The following DOCK3 variants were observed in gnomAD, a reference collection of about 807,000 sequenced individuals.
The protein encoded by DOCK3 is dedicator of cytokinesis 3.
A neutral mutation model predicts 265.6 loss-of-function variants in DOCK3; 60 were observed. The observed-to-expected ratio is 0.23, with a 90% CI of 0.18 to 0.28. DOCK3 has a LOEUF of 0.28. DOCK3 is among the 10% of genes least tolerant of loss of function. The pLI is 1.00. For missense variants in DOCK3, 1,981 were observed against 2,594.3 expected, an observed-to-expected ratio of 0.76 and a Z score of 5.14; for synonymous variants, 881 against 938.0, an observed-to-expected ratio of 0.94 and a Z score of 1.11.
At chr3:51,225,866 A>C (rs1185335957) in intron 15 of DOCK3, 93 bp downstream of exon 15, 1 of 1,444,114 alleles carries the variant, frequency 6.9e-7, no homozygotes, top group Non-Finnish European at 9.2e-7. Context: ...TTCAAGCAGG[A>C]TTAAAATCAC....
intron 5 of DOCK3, among the ~76,000 whole-genome samples, chr3:51,014,609 T>G (rs958998527): frequency 1.3e-5 from 2 of 152,150 alleles, no homozygotes; most frequent in Non-Finnish European, 2.9e-5. Flanking sequence ...TGTTCTTTTT[T>G]GCTCAGAATG....
chr3:50,771,511 G>T (rs1156371857), intron 1 of DOCK3, among the ~76,000 whole-genome samples: 4 of 152,184 alleles, frequency 2.6e-5, no homozygotes, highest in African/African-American at 9.7e-5. Context: ...ATGTCAATTA[G>T]TACAACCACT....
At chr3:51,237,673 T>C in intron 21 of DOCK3, 83 bp downstream of exon 21, 1 of 1,237,612 alleles carries the variant, frequency 8.1e-7, no homozygotes, top group Non-Finnish European at 1.1e-6. Flanking sequence ...CAACCAGCAT[T>C]TAAAAAGTTC....
intron 1 of DOCK3, among the ~76,000 whole-genome samples, chr3:50,749,480 ATTTG>A (rs2039652610): frequency 6.6e-6 from 1 of 152,186 alleles, no homozygotes; most frequent in African/African-American, 2.4e-5. Context: ...TAATGAGCTT[ATTTG>A]TTTGGTTTAA....
chr3:50,706,637 C>T (rs892692464), intron 1 of DOCK3, among the ~76,000 whole-genome samples: 3 of 152,084 alleles, frequency 2.0e-5, no homozygotes, highest in Admixed American at 6.6e-5. Context: ...GTTTGTCTTT[C>T]GCAAGACTTG....
intron 19 of DOCK3, among the ~76,000 whole-genome samples, chr3:51,230,097 A>ATGCCATG (rs1205627033): frequency 6.6e-6 from 1 of 152,154 alleles, no homozygotes; most frequent in African/African-American, 2.4e-5. Context: ...TTGTGTTTAT[A>ATGCCATG]TGCCATGTTT....
At chr3:50,887,156 C>T (rs200880561) in intron 3 of DOCK3, among the ~76,000 whole-genome samples, 17 of 151,822 alleles carry the variant, frequency 1.1e-4, no homozygotes, top group African/African-American at 1.4e-4. Context: ...ATCAAATAGA[C>T]GCAATAAAAA....
chr3:50,795,528 C>G (rs1045623703), intron 2 of DOCK3, among the ~76,000 whole-genome samples: 1 of 152,020 alleles, frequency 6.6e-6, no homozygotes, highest in Non-Finnish European at 1.5e-5. Context: ...ACTACAGGTG[C>G]GTGCCACCAC....
chr3:51,339,480 C>A (rs1018090378), intron 37 of DOCK3, among the ~76,000 whole-genome samples: 1 of 152,344 alleles, frequency 6.6e-6, no homozygotes, highest in Non-Finnish European at 1.5e-5. Context: ...TCCTTGCAGG[C>A]TAGGCTCTTC....
intron 7 of DOCK3, among the ~76,000 whole-genome samples, chr3:51,088,887 G>C (rs547412024): frequency 1.9e-4 from 29 of 152,304 alleles, no homozygotes; most frequent in African/African-American, 6.0e-4. Flanking sequence ...AAAGTCTGAA[G>C]AAGCTGGATC....
intron 1 of DOCK3, among the ~76,000 whole-genome samples, chr3:50,769,566 T>G (rs1304188554): frequency 1.3e-5 from 2 of 152,052 alleles, no homozygotes; most frequent in Non-Finnish European, 2.9e-5. Flanking sequence ...ATCCTAGCAC[T>G]TTGGGAGGCT....
At chr3:50,713,246 G>A (rs1306300342) in intron 1 of DOCK3, among the ~76,000 whole-genome samples, 28 of 152,310 alleles carry the variant, frequency 1.8e-4, no homozygotes, top group Non-Finnish European at 7.4e-5. Context: ...CTTTTAGTAG[G>A]ACTTTATTTT....
At chr3:51,019,495 G>A (rs1220918576) in intron 5 of DOCK3, among the ~76,000 whole-genome samples, 1 of 151,692 alleles carries the variant, frequency 6.6e-6, no homozygotes, top group Non-Finnish European at 1.5e-5. Context: ...AAGTTCTGGG[G>A]TACATGTGCA....
chr3:51,024,475 G>T (rs1029933890), intron 5 of DOCK3, among the ~76,000 whole-genome samples: 1 of 152,138 alleles, frequency 6.6e-6, no homozygotes, highest in African/African-American at 2.4e-5. Context: ...GTAACTGGGG[G>T]GTCAGGGGTA....
intron 5 of DOCK3, among the ~76,000 whole-genome samples, chr3:51,049,230 A>G (rs1301288331): frequency 6.6e-6 from 1 of 151,880 alleles, no homozygotes; most frequent in African/African-American, 2.4e-5. Context: ...GAAAGTTGAG[A>G]TGGGAGGATC....
chr3:50,734,688 C>T (rs868749155), intron 1 of DOCK3, among the ~76,000 whole-genome samples: 3 of 137,484 alleles, frequency 2.2e-5, no homozygotes, highest in South Asian at 2.4e-4. Flanking sequence ...CTGCAAGCTC[C>T]GCCTCCTGGG....
At chr3:51,207,685 G>A (rs763112275) in intron 12 of DOCK3, among the ~76,000 whole-genome samples, 8 of 152,104 alleles carry the variant, frequency 5.3e-5, no homozygotes, top group Non-Finnish European at 7.3e-5. Context: ...GACCTGAAAT[G>A]CTTCATACTA....
intron 5 of DOCK3, among the ~76,000 whole-genome samples, chr3:50,990,301 A>T (rs775559140): frequency 5.3e-5 from 8 of 152,194 alleles, no homozygotes; most frequent in Non-Finnish European, 8.8e-5. Flanking sequence ...CAGGAAATAC[A>T]GATAACTCCT....
intron 12 of DOCK3, among the ~76,000 whole-genome samples, chr3:51,202,854 T>C (rs554408768): frequency 1.3e-5 from 2 of 151,538 alleles, no homozygotes; most frequent in South Asian, 2.1e-4. Context: ...GATGCAAGGC[T>C]GGTTCAATAT....
Sources: gnomAD v4.1 joint callset for allele counts (sites outside exome capture counted in the v4.1 genomes callset) on GRCh38, gnomAD v4.1.1 for gene constraint, MANE v1.5 for transcripts, NCBI Gene and HGNC (gene_info 2026-07-23, HGNC 2026-07-21) for gene names.